The following CNNM2 variants were observed in gnomAD, a reference collection of about 807,000 sequenced individuals.
CNNM2 encodes metal transporter CNNM2.
CNNM2 carries 12 observed loss-of-function variants against 66.9 expected under a neutral mutation model. The observed-to-expected ratio is 0.18, with a 90% CI of 0.11 to 0.29. The LOEUF (loss-of-function observed/expected upper bound fraction) is 0.29, where lower values mean the gene tolerates loss of function less well. CNNM2 is among the 10% of genes least tolerant of loss of function. The pLI is 1.00. For missense variants in CNNM2, 705 were observed against 1,167.7 expected (o/e 0.60, Z 5.77); for synonymous variants, 557 against 501.8 (o/e 1.11, Z -1.47).
At chr10:103,060,526 C>T (rs1395815192) in intron 4 of CNNM2, among the ~76,000 whole-genome samples, 1 of 152,100 alleles carries the variant, frequency 6.6e-6, no homozygotes, top group Non-Finnish European at 1.5e-5. Flanking sequence ...GCCTGAGGGA[C>T]AGAGTGAGAC....
At chr10:103,000,202 C>T (rs1327077452) in intron 1 of CNNM2, among the ~76,000 whole-genome samples, 6 of 151,634 alleles carry the variant, frequency 4.0e-5, no homozygotes, top group African/African-American at 1.2e-4. Flanking sequence ...TGCCGTTGCA[C>T]TCCAGCGTGT....
chr10:102,978,645 A>G (rs1023174866), intron 1 of CNNM2, among the ~76,000 whole-genome samples: 8 of 152,278 alleles, frequency 5.3e-5, no homozygotes, highest in Admixed American at 4.6e-4. Flanking sequence ...AACTTTACTG[A>G]TGTTTATAAG....
At chr10:102,967,481 T>C (rs1010853291) in intron 1 of CNNM2, among the ~76,000 whole-genome samples, 1 of 152,232 alleles carries the variant, frequency 6.6e-6, no homozygotes, top group Non-Finnish European at 1.5e-5. Context: ...TTTCTGTCTC[T>C]ATAGATTTGA....
In CNNM2 at chr10:102,919,258, A is replaced by G; in HGVS notation, c.778A>G (p.Ile260Val). Residue 260 changes from isoleucine to valine, a missense_variant, in exon 1 of 8, where the codon ATC becomes GTC. Around this residue, in one of 9 missense-constraint regions of CNNM2, gnomAD observed 49 missense variants for 183.7 expected, o/e 0.27. Transcript: ENST00000369878. ...CCTGCTGCCCTTCTGGCTGCAGGTG[A>G]TCTTCATTTCGCTGCTGCTGTGCCT... ...KFLLPFWLQV[I>V]FISLLLCLSG... The G allele has an allele frequency of 6.2e-7, 1 of 1,613,720 alleles. No homozygotes were observed. The highest frequency in any genetic ancestry group is 1.1e-5 in the South Asian group (1 of 91,074).
chr10:103,003,985 ATTTT>A (rs869152743), intron 1 of CNNM2, among the ~76,000 whole-genome samples: 156 of 83,958 alleles, frequency 1.9e-3, no homozygotes, highest in African/African-American at 6.7e-3. Flanking sequence ...CATTGCATGA[ATTTT>A]TTTTTTTTTT....
chr10:103,033,780 C>T (rs565022125), intron 1 of CNNM2, among the ~76,000 whole-genome samples: 3 of 152,296 alleles, frequency 2.0e-5, no homozygotes, highest in African/African-American at 7.2e-5. Context: ...CCACCGTGCC[C>T]AGCCCTTCTA....
chr10:102,965,365 C>T (rs2063446573), intron 1 of CNNM2, among the ~76,000 whole-genome samples: 1 of 152,202 alleles, frequency 6.6e-6, no homozygotes, highest in Admixed American at 6.5e-5. Context: ...CCTAAAATCA[C>T]AGCTGTTTGA....
intron 2 of CNNM2, among the ~76,000 whole-genome samples, chr10:103,053,148 A>C (rs539462718): frequency 1.3e-5 from 2 of 152,300 alleles, no homozygotes; most frequent in East Asian, 3.9e-4. Context: ...GAACTGGTAA[A>C]CCAAAGCCCA....
At chr10:103,045,077 C>T (rs926150447) in intron 1 of CNNM2, among the ~76,000 whole-genome samples, 6 of 152,148 alleles carry the variant, frequency 3.9e-5, no homozygotes, top group Non-Finnish European at 8.8e-5. Flanking sequence ...TTTAAATGAT[C>T]ACAAGCTGGG....
intron 1 of CNNM2, among the ~76,000 whole-genome samples, chr10:102,952,448 CA>C (rs1230755912): frequency 3.3e-5 from 5 of 151,938 alleles, no homozygotes; most frequent in Non-Finnish European, 1.5e-5. Flanking sequence ...CCTGTAGTCC[CA>C]GCTACTCGGG....
At chr10:103,015,266 T>C (rs1314239524) in intron 1 of CNNM2, among the ~76,000 whole-genome samples, 1 of 152,194 alleles carries the variant, frequency 6.6e-6, no homozygotes, top group Non-Finnish European at 1.5e-5. Flanking sequence ...TTGAGGCTTA[T>C]TTATTGGGCT....
intron 1 of CNNM2, among the ~76,000 whole-genome samples, chr10:102,944,930 T>C (rs1846556086): frequency 6.6e-6 from 1 of 152,098 alleles, no homozygotes; most frequent in African/African-American, 2.4e-5. Flanking sequence ...ATTTATCTTA[T>C]CTTCTCATAA....
At chr10:103,017,963 CAAA>C (rs59984156) in intron 1 of CNNM2, among the ~76,000 whole-genome samples, 2 of 78,858 alleles carry the variant, frequency 2.5e-5, no homozygotes, top group African/African-American at 5.9e-5. Context: ...GAATCTGTCT[CAAA>C]AAAAAAAAAA....
intron 1 of CNNM2, among the ~76,000 whole-genome samples, chr10:103,011,926 C>T (rs1277162848): frequency 6.6e-6 from 1 of 152,000 alleles, no homozygotes; most frequent in Non-Finnish European, 1.5e-5. Flanking sequence ...CTCCTGACCT[C>T]GTGATCTGCC....
At chr10:102,952,376 A>C (rs953407545) in intron 1 of CNNM2, among the ~76,000 whole-genome samples, 4 of 152,124 alleles carry the variant, frequency 2.6e-5, no homozygotes, top group Admixed American at 6.5e-5. Flanking sequence ...CATCCTGGTT[A>C]ACATGGTGAA....
At chr10:103,003,701 A>G (rs1009663911) in intron 1 of CNNM2, among the ~76,000 whole-genome samples, 16 of 151,844 alleles carry the variant, frequency 1.1e-4, no homozygotes, top group African/African-American at 3.9e-4. Context: ...TAAACCCAGG[A>G]TGCTGTGGTT....
At chr10:103,037,536 T>C (rs1242237579) in intron 1 of CNNM2, among the ~76,000 whole-genome samples, 1 of 152,060 alleles carries the variant, frequency 6.6e-6, no homozygotes, top group Non-Finnish European at 1.5e-5. Context: ...GGTCAAATTA[T>C]TAAATGAAAT....
intron 6 of CNNM2, among the ~76,000 whole-genome samples, chr10:103,073,533 ATGGTGG>A (rs1359316525): frequency 6.6e-6 from 1 of 152,196 alleles, no homozygotes; most frequent in Non-Finnish European, 1.5e-5. Flanking sequence ...GGGTGGGCGC[ATGGTGG>A]CAAGGTCCGG....
intron 1 of CNNM2, among the ~76,000 whole-genome samples, chr10:103,012,289 C>G (rs1293053305): frequency 1.3e-5 from 2 of 152,146 alleles, no homozygotes; most frequent in Non-Finnish European, 2.9e-5. Flanking sequence ...GTTAACACCC[C>G]CACCACCAAT....
Sources: allele counts gnomAD v4.1 joint callset (sites outside exome capture counted in the v4.1 genomes callset), GRCh38; gene constraint gnomAD v4.1.1; regional missense constraint gnomAD v4.1.1; transcripts MANE v1.5; gene names NCBI Gene and HGNC (gene_info 2026-07-23, HGNC 2026-07-21).